Variants in STK32C observed in about 807,000 individuals in gnomAD.
The protein encoded by STK32C is serine/threonine kinase 32C.
In STK32C, 31 loss-of-function variants were observed where a neutral mutation model predicts 56.5. That is an observed-to-expected ratio of 0.55 (90% confidence interval 0.41 to 0.74). The LOEUF is 0.74. STK32C is among the 30% of genes least tolerant of loss of function. The pLI, the probability that STK32C is intolerant of heterozygous loss-of-function variation, is 0.00. For missense variants in STK32C, 544 were observed against 676.9 expected (o/e 0.80, Z 2.18); for synonymous variants, 309 against 289.4 (o/e 1.07, Z -0.69).
At chr10:132,268,364 CCTGT>C (rs375863925) in intron 1 of STK32C, among the ~76,000 whole-genome samples, 3,450 of 120,680 alleles carry the variant, frequency 0.029, 96 homozygotes, top group Middle Eastern at 0.059. Context: ...CAGCTCTATG[CCTGT>C]CTGTGTGCAT....
At chr10:132,292,910 C>G (rs1397347463) in intron 1 of STK32C, among the ~76,000 whole-genome samples, 120 of 151,794 alleles carry the variant, frequency 7.9e-4, no homozygotes, top group Non-Finnish European at 2.8e-4. Context: ...TCCCCCCTCC[C>G]TTCCCCATGC....
chr10:132,306,449 G>A lies in STK32C; in HGVS notation c.262+1123C>T, dbSNP rs542840438. On this transcript the variant is annotated intron_variant, in intron 1 of 11. Coordinates refer to ENST00000298630, the MANE Select transcript of STK32C (RefSeq NM_173575.4). ...CCCTGGAGCGTGTGGGGCCTGGTGTGGCTGGGCCTTCAGCCCTCCTTCTAG... is the reference window on the plus strand; with the variant it reads ...CCCTGGAGCGTGTGGGGCCTGGTGTAGCTGGGCCTTCAGCCCTCCTTCTAG... Among the ~76,000 whole-genome samples the A allele has an allele frequency of 1.3e-4, 20 of 152,374 alleles. No individual in the cohort carries two copies. The South Asian group carries it at 3.9e-3, about 30-fold the overall frequency.
In STK32C at chr10:132,222,944, C is replaced by A; in HGVS notation, c.1036G>T (p.Asp346Tyr). Residue 346 changes from aspartate (D) to tyrosine (Y), a missense_variant, in exon 9 of 12, where the codon GAC becomes TAC. By Grantham distance (160) the Asp-to-Tyr change is radical (BLOSUM62 -3). This residue lies in a region of STK32C where 277 missense variants were observed against 309.3 expected (regional missense o/e 0.90). Transcript: ENST00000298630. ...NPEHRLSSLQ[D>Y]VQAAPALAGV... ...GCCAGCGCCGGGGCTGCCTGCACGT[C>A]CTGGAGGCTGGAGAGCCGGTGCTCG... 6.4e-7 allele frequency: 1 copy of A among 1,554,748 alleles called. No individual in the cohort carries two copies. The highest frequency in any genetic ancestry group is 1.9e-5 in the Admixed American group (1 of 52,566).
chr10:132,306,798 C>G (rs2066080034), intron 1 of STK32C: 1 of 152,250 alleles, frequency 6.6e-6, no homozygotes, highest in African/African-American at 2.4e-5. Context: ...CTGCATGTGA[C>G]TGTATTACAG....
chr10:132,218,231 A>T (rs1205577826), intron 10 of STK32C, among the ~76,000 whole-genome samples: 1 of 152,136 alleles, frequency 6.6e-6, no homozygotes, highest in African/African-American at 2.4e-5. Context: ...GGCAGGGAGG[A>T]TCACTTGAGC....
chr10:132,228,215 G>A, intron 2 of STK32C, 87 bp from the exon 3 acceptor site: 5 of 1,585,354 alleles, frequency 3.2e-6, no homozygotes, highest in Non-Finnish European at 4.3e-6. Context: ...GATGCCTGGG[G>A]ACGCATCGTC....
intron 1 of STK32C, among the ~76,000 whole-genome samples, chr10:132,326,341 T>C (rs1249459681): frequency 1.3e-5 from 2 of 152,204 alleles, no homozygotes; most frequent in Non-Finnish European, 2.9e-5. Flanking sequence ...AAAACCTCTA[T>C]TTTATTTTTG....
At chr10:132,263,234 A>G (rs1299184126) in intron 1 of STK32C, among the ~76,000 whole-genome samples, 4 of 152,206 alleles carry the variant, frequency 2.6e-5, no homozygotes, top group Admixed American at 1.3e-4. Context: ...CGCAGTACCT[A>G]TACACCATGG....
chr10:132,265,258 G>C (rs1284598568), intron 1 of STK32C, among the ~76,000 whole-genome samples: 2 of 152,076 alleles, frequency 1.3e-5, no homozygotes, highest in Non-Finnish European at 2.9e-5. Context: ...GTGCCGCAAG[G>C]GCGGCGAGGT....
intron 1 of STK32C, among the ~76,000 whole-genome samples, chr10:132,254,887 G>A (rs1392702445): frequency 6.6e-6 from 1 of 152,126 alleles, no homozygotes; most frequent in African/African-American, 2.4e-5. Flanking sequence ...CGGGAAGTGG[G>A]TGCTGGACAG....
intron 10 of STK32C, among the ~76,000 whole-genome samples, chr10:132,218,826 G>A (rs2062546459): frequency 6.6e-6 from 1 of 152,174 alleles, no homozygotes; most frequent in Admixed American, 6.5e-5. Context: ...ACTGATGACT[G>A]GATAAAGGAA....
chr10:132,218,465 T>C (rs181277323), intron 10 of STK32C, among the ~76,000 whole-genome samples: 101 of 152,284 alleles, frequency 6.6e-4, no homozygotes, highest in Middle Eastern at 3.4e-3. Context: ...ATGTTCAATA[T>C]CATCAGAGAA....
chr10:132,256,688 C>T (rs1024800736), intron 1 of STK32C, among the ~76,000 whole-genome samples: 2 of 152,154 alleles, frequency 1.3e-5, no homozygotes, highest in Admixed American at 6.5e-5. Flanking sequence ...AGGCCCGGCC[C>T]CACCCACCCC....
At chr10:132,274,010 A>AT (rs1337876882) in intron 1 of STK32C, among the ~76,000 whole-genome samples, 1 of 152,204 alleles carries the variant, frequency 6.6e-6, no homozygotes, top group African/African-American at 2.4e-5. Context: ...CTCTTTTTCC[A>AT]TAAGATCCGC....
At position 132,207,747 on chromosome 10, in the gene STK32C, A is replaced by C; in HGVS notation, c.*263T>G. 1 of 355,616 alleles carries C rather than the reference A, an allele frequency of 2.8e-6. No individual in the cohort carries two copies. Among genetic ancestry groups the C allele is most frequent in the Non-Finnish European group, 4.9e-6 (1 of 202,736 alleles). 22.0% of individuals were successfully genotyped at this position (355,616 alleles called of 1,614,324 possible). A position where few individuals can be genotyped will look rare whatever the true frequency, so the allele number is the denominator to read the frequency against. Reference sequence around the variant, plus strand: ...ATGGCCCCAGCTCCCCGTGAGCGGTAAGAGGGCGCCCAGCAGCGCTTCCTC... The same window carrying C: ...ATGGCCCCAGCTCCCCGTGAGCGGTCAGAGGGCGCCCAGCAGCGCTTCCTC... On this transcript the variant is annotated 3_prime_UTR_variant, in exon 12 of 12. Transcript: ENST00000298630.
chr10:132,226,041 C>T (rs1590179495), intron 4 of STK32C, among the ~76,000 whole-genome samples: 1 of 152,346 alleles, frequency 6.6e-6, no homozygotes, highest in South Asian at 2.1e-4. Context: ...TGGGAGGGGG[C>T]CTGGAGCCCC....
chr10:132,281,220 T>C (rs963170139), intron 1 of STK32C, among the ~76,000 whole-genome samples: 1 of 149,816 alleles, frequency 6.7e-6, no homozygotes, highest in Admixed American at 6.6e-5. Context: ...CACAGGTGCA[T>C]AGACAGAGTG....
intron 1 of STK32C, among the ~76,000 whole-genome samples, chr10:132,248,558 G>A (rs2063771637): frequency 6.6e-6 from 1 of 152,244 alleles, no homozygotes; most frequent in Non-Finnish European, 1.5e-5. Context: ...GGCCGGTAGA[G>A]GCAAAAGAGC....
Position 132,209,028 on chromosome 10 carries a change from A to T in STK32C, c.1319+6T>A, listed in dbSNP as rs760672010. The T allele has an allele frequency of 5.6e-6, 9 of 1,606,036 alleles. No individual in the cohort carries two copies. The South Asian group carries it at 6.6e-5, about 12-fold the overall frequency. On this transcript the variant is annotated splice_donor_region_variant and intron_variant, in intron 11 of 11. Transcript: ENST00000298630. ...CACCACGCCCACCCACCCCCAACAC[A>T]CTCACTTTTCTCTGTTAAAAATCAC...
Sources: gnomAD v4.1 joint callset for allele counts (sites outside exome capture counted in the v4.1 genomes callset) on GRCh38, gnomAD v4.1.1 for gene constraint, gnomAD v4.1.1 regional missense constraint, MANE v1.5 for transcripts, NCBI Gene and HGNC (gene_info 2026-07-23, HGNC 2026-07-21) for gene names.